The following GYPB variants were observed in gnomAD, a reference collection of about 807,000 sequenced individuals.
GYPB encodes glycophorin B (MNS blood group), also known as glycophorin-B.
Under a neutral mutation model 15.3 loss-of-function variants are expected in GYPB, and 13 were observed. The ratio of observed to expected loss-of-function variants is 0.85; its 90% CI spans 0.55 to 1.35. GYPB has a LOEUF of 1.35. GYPB is among the 40% of genes most tolerant of loss of function. The pLI is 0.00. For synonymous variants in GYPB, 38 were observed against 36.9 expected (o/e 1.03, Z -0.11); for missense variants, 131 against 108.3 (o/e 1.21, Z -0.93).
intron 1 of GYPB, among the ~76,000 whole-genome samples, chr4:144,014,280 AC>A (rs1728376279): frequency 6.6e-6 from 1 of 151,740 alleles, no homozygotes; most frequent in Non-Finnish European, 1.5e-5. Context: ...TTCAAACAAA[AC>A]TAGTACAGGA....
chr4:143,996,901 T>C (rs1188071945), intron 4 of GYPB, among the ~76,000 whole-genome samples: 3 of 151,084 alleles, frequency 2.0e-5, no homozygotes, highest in Non-Finnish European at 4.4e-5. Flanking sequence ...ATTTTATTTT[T>C]ATTTATTTAT....
intron 1 of GYPB, among the ~76,000 whole-genome samples, chr4:144,009,832 C>G (rs1275766863): frequency 2.0e-5 from 3 of 150,598 alleles, no homozygotes; most frequent in African/African-American, 7.5e-5. Flanking sequence ...CCAGGACGAT[C>G]TCGATCTCCT....
rs1301881260 is a variant in GYPB, at chr4:144,004,482, C to T, written c.38-3199G>A. ...AATAGTTCCCATAAAAATGAGTTTT[C>T]GTATTTTCTAGTATTAATTAACTTT... is the stretch of plus-strand genomic sequence containing the variant. On this transcript the variant is annotated intron_variant, in intron 1 of 4. Transcript: ENST00000502664. Among the ~76,000 whole-genome samples, 11 of 151,956 alleles carry T rather than the reference C, an allele frequency of 7.2e-5. No homozygotes were observed. The East Asian group carries it at 1.2e-3, about 16-fold the overall frequency.
Position 143,996,301 on chromosome 4 carries a change from A to T in GYPB, c.274T>A (p.Ter92ArgextTer8). The T allele has an allele frequency of 6.4e-7, 1 of 1,550,862 alleles. No homozygotes were observed. The highest frequency in any genetic ancestry group is 8.7e-7 in the Non-Finnish European group (1 of 1,147,260). ...SYSIRRLIKA[*>R] The stretch of plus-strand genomic sequence containing the variant: ...CAGGCAGCATGCAGGCCACATCCTC[A>T]TGCCTGTGATAAAAAGACAAGAAGT... The change falls in exon 5 of 5, where the codon TGA becomes AGA. Residue 92 changes from the stop codon to arginine, a stop_lost. Coordinates refer to ENST00000502664, the MANE Select transcript of GYPB (RefSeq NM_002100.6).
intron 1 of GYPB, among the ~76,000 whole-genome samples, chr4:144,009,570 A>G (rs2149965131): frequency 7.3e-6 from 1 of 136,968 alleles, no homozygotes; most frequent in East Asian, 2.1e-4. Flanking sequence ...TAATATTCAC[A>G]TTATTATTAT....
intron 1 of GYPB, among the ~76,000 whole-genome samples, chr4:144,015,723 TCTAAAAACCCTATTTCACACCATG>T (rs1728452321): frequency 6.6e-6 from 1 of 151,396 alleles, no homozygotes; most frequent in South Asian, 2.1e-4. Context: ...TCTGTTTCTT[TCTAAAAACCCTATTTCACACCATG>T]CTAAATATAT....
chr4:143,997,378 A>AAT, intron 4 of GYPB, 162 bp downstream of exon 4: 1 of 525,580 alleles, frequency 1.9e-6, no homozygotes, highest in Non-Finnish European at 3.5e-6. Context: ...CAAAAAAAAA[A>AAT]TTCTGCTAGA....
chr4:144,014,247 C>T (rs1332777263), intron 1 of GYPB, among the ~76,000 whole-genome samples: 4 of 151,884 alleles, frequency 2.6e-5, no homozygotes, highest in African/African-American at 9.7e-5. Flanking sequence ...TACCCCTATA[C>T]ATCTTTGAGT....
At chr4:144,006,769 T>G (rs1283489231) in intron 1 of GYPB, among the ~76,000 whole-genome samples, 4 of 151,774 alleles carry the variant, frequency 2.6e-5, no homozygotes, top group Non-Finnish European at 5.9e-5. Flanking sequence ...AATGCTACAG[T>G]TTTTTGACAT....
intron 2 of GYPB, among the ~76,000 whole-genome samples, chr4:144,000,925 T>C (rs1727587844): frequency 6.6e-6 from 1 of 151,296 alleles, no homozygotes; most frequent in South Asian, 2.1e-4. Context: ...TCTGGCCCAC[T>C]ATTTCATGGT....
chr4:144,017,049 C>T lies in GYPB; in HGVS notation c.37+2202G>A, dbSNP rs1728538825. Among the ~76,000 whole-genome samples, 4 of 150,496 alleles carry T rather than the reference C, an allele frequency of 2.7e-5. No homozygotes were observed. The South Asian group carries it at 8.4e-4, about 31-fold the overall frequency. On this transcript the variant is annotated intron_variant, in intron 1 of 4. Coordinates refer to ENST00000502664, the MANE Select transcript of GYPB (RefSeq NM_002100.6). ...TATTTTAATAAGATAGTTGTTGTTC[C>T]ATTTATTATCTGCATTCCCTCCCAC...
intron 3 of GYPB, among the ~76,000 whole-genome samples, chr4:143,998,338 A>C (rs1176088255): frequency 6.6e-6 from 1 of 151,554 alleles, no homozygotes; most frequent in African/African-American, 2.5e-5. Context: ...TAGTACTTCC[A>C]GATGAAGTAA....
intron 1 of GYPB, among the ~76,000 whole-genome samples, chr4:144,009,714 C>T (rs1316669213): frequency 2.1e-5 from 3 of 140,894 alleles, no homozygotes; most frequent in Non-Finnish European, 4.5e-5. Context: ...CCCGGGTTCA[C>T]TCCATTCTCC....
chr4:144,003,636 A>G (rs190283384), intron 1 of GYPB, among the ~76,000 whole-genome samples: 8 of 151,694 alleles, frequency 5.3e-5, no homozygotes, highest in Non-Finnish European at 1.2e-4. Flanking sequence ...AAATGAAAAC[A>G]TGCTTAGGGA....
At chr4:144,001,042 G>T (rs1727593464) in intron 2 of GYPB, 143 bp downstream of exon 2, 1 of 1,409,592 alleles carries the variant, frequency 7.1e-7, no homozygotes, top group Non-Finnish European at 9.8e-7. Context: ...AGTAAGAATT[G>T]TGTCTACTTA....
intron 4 of GYPB, chr4:143,997,307 C>A (rs1405121195): frequency 2.6e-6 from 1 of 383,772 alleles, no homozygotes; most frequent in South Asian, 3.3e-5. Context: ...TTAGGGAGAT[C>A]TTTCATTGGG....
At chr4:144,016,880 A>G (rs11940948) in intron 1 of GYPB, 4,299 of 364,094 alleles carry the variant, frequency 0.012, 394 homozygotes, top group African/African-American at 0.084. Context: ...GGTTGGCTCC[A>G]TCTCCTTGTT....
chr4:144,000,638 T>G (rs1300959917), intron 2 of GYPB, among the ~76,000 whole-genome samples: 1 of 151,290 alleles, frequency 6.6e-6, no homozygotes, highest in Non-Finnish European at 1.5e-5. Context: ...CAGATTACTC[T>G]TATCTCAGCA....
Position 143,996,231 on chromosome 4 carries a change from T to C in GYPB, c.*68A>G, listed in dbSNP as rs539466275. 232 of 1,549,792 alleles carry C rather than the reference T, an allele frequency of 1.5e-4. 8 individuals are homozygous for C. In the African/African-American group the frequency reaches 2.6e-3, roughly 17 times the overall value. On this transcript the variant is annotated 3_prime_UTR_variant, in exon 5 of 5. Transcript: ENST00000502664. The stretch of plus-strand genomic sequence containing the variant: ...AAAGGAATAGCAGGTGCAGCCAGTT[T>C]GCATAAACAAGAGAACAGCAGGTGC...
Sources: allele counts gnomAD v4.1 joint callset (sites outside exome capture counted in the v4.1 genomes callset), GRCh38; gene constraint gnomAD v4.1.1; transcripts MANE v1.5; gene names NCBI Gene and HGNC (gene_info 2026-07-23, HGNC 2026-07-21).